Variants in DDX10 observed in about 807,000 individuals in gnomAD.
DDX10 encodes DEAD-box helicase 10.
Under a neutral mutation model 104.3 loss-of-function variants are expected in DDX10, and 74 were observed. That is an observed-to-expected ratio of 0.71 (90% CI 0.59 to 0.86). The LOEUF (loss-of-function observed/expected upper bound fraction) is 0.86. Among genes scored for constraint, DDX10 ranks in the 40% least tolerant of loss-of-function variants. The probability of loss-of-function intolerance (pLI) is 0.00; values close to 1 mark genes in which losing one functional copy is unlikely to be tolerated. For synonymous variants in DDX10, 351 were observed against 353.4 expected, an observed-to-expected ratio of 0.99 and a Z score of 0.08; for missense variants, 952 against 1,040.0, an observed-to-expected ratio of 0.92 and a Z score of 1.16.
intron 5 of DDX10, 96 bp from the exon 6 acceptor site, chr11:108,679,275 C>CT (rs1159065759): frequency 9.4e-7 from 1 of 1,063,342 alleles, no homozygotes; most frequent in African/African-American, 1.6e-5. Context: ...CGCTAATGTT[C>CT]TTTTTCTGTT....
At chr11:108,741,616 G>A (rs1316000992) in intron 13 of DDX10, among the ~76,000 whole-genome samples, 2 of 152,112 alleles carry the variant, frequency 1.3e-5, no homozygotes, top group African/African-American at 4.8e-5. Flanking sequence ...TATTGCTGGT[G>A]TATAGGAATG....
intron 16 of DDX10, among the ~76,000 whole-genome samples, chr11:108,916,407 A>AT (rs970595949): frequency 2.0e-5 from 3 of 150,462 alleles, no homozygotes; most frequent in Non-Finnish European, 4.4e-5. Flanking sequence ...CAGACCTTTT[A>AT]TTTTTTACCA....
intron 15 of DDX10, among the ~76,000 whole-genome samples, chr11:108,842,105 C>T (rs1159429711): frequency 6.6e-6 from 1 of 152,040 alleles, no homozygotes; most frequent in African/African-American, 2.4e-5. Flanking sequence ...CTTTGTAAAA[C>T]TTCTATAAAA....
At chr11:108,673,161 TG>T in intron 1 of DDX10, among the ~76,000 whole-genome samples, 1 of 152,298 alleles carries the variant, frequency 6.6e-6, no homozygotes, top group Non-Finnish European at 1.5e-5. Context: ...TTCCTAAAAT[TG>T]ATGTGGTTGG....
At chr11:108,893,582 T>G (rs143873509) in intron 16 of DDX10, among the ~76,000 whole-genome samples, 1 of 151,644 alleles carries the variant, frequency 6.6e-6, no homozygotes, top group Non-Finnish European at 1.5e-5. Context: ...ATTTTCCTTA[T>G]TTTTTTGGAG....
intron 17 of DDX10, 74 bp downstream of exon 17, chr11:108,918,092 T>A: frequency 7.0e-7 from 1 of 1,420,788 alleles, no homozygotes; most frequent in Non-Finnish European, 9.9e-7. Context: ...CCAAAAGACA[T>A]TACTAAGAGT....
chr11:108,675,249 G>A (rs1268565595), intron 2 of DDX10, among the ~76,000 whole-genome samples: 1 of 152,132 alleles, frequency 6.6e-6, no homozygotes. Context: ...TCAAAGTAGT[G>A]GTTTTATTAA....
intron 17 of DDX10, chr11:108,918,996 G>A (rs1863789270): frequency 6.6e-6 from 1 of 152,152 alleles, no homozygotes; most frequent in South Asian, 2.1e-4. Context: ...GGAGAAGTAG[G>A]CCATAGAGAG....
chr11:108,862,649 G>A (rs1862956153), intron 16 of DDX10, among the ~76,000 whole-genome samples: 1 of 152,188 alleles, frequency 6.6e-6, no homozygotes, highest in Non-Finnish European at 1.5e-5. Flanking sequence ...AAATTAAAAT[G>A]AAGAAATTGT....
intron 13 of DDX10, among the ~76,000 whole-genome samples, chr11:108,801,220 T>A (rs1862016245): frequency 6.6e-6 from 1 of 152,166 alleles, no homozygotes; most frequent in African/African-American, 2.4e-5. Context: ...AATATTAGAA[T>A]ATAACAAAAA....
chr11:108,825,678 G>C (rs1165799334), intron 13 of DDX10, among the ~76,000 whole-genome samples: 1 of 152,160 alleles, frequency 6.6e-6, no homozygotes, highest in Non-Finnish European at 1.5e-5. Flanking sequence ...ATAGTAAATA[G>C]TTGTCATTGT....
At chr11:108,673,436 G>A (rs772352258) in intron 1 of DDX10, 31 bp from the exon 2 acceptor site, 3 of 1,458,904 alleles carry the variant, frequency 2.1e-6, no homozygotes, top group Non-Finnish European at 2.9e-6. Flanking sequence ...AAACAAATGA[G>A]TTACCCTGAT....
intron 13 of DDX10, among the ~76,000 whole-genome samples, chr11:108,835,807 G>GTAC (rs2134591038): frequency 6.7e-6 from 1 of 149,264 alleles, no homozygotes; most frequent in Non-Finnish European, 1.5e-5. Context: ...CCAATCCAGG[G>GTAC]TACTTTTCCT....
chr11:108,780,619 TC>T (rs1292301916), intron 13 of DDX10, among the ~76,000 whole-genome samples: 1 of 152,228 alleles, frequency 6.6e-6, no homozygotes, highest in African/African-American at 2.4e-5. Context: ...AATATACTTG[TC>T]TTTGTGTCCC....
intron 16 of DDX10, among the ~76,000 whole-genome samples, chr11:108,875,837 G>T (rs1481581566): frequency 2.6e-5 from 4 of 152,162 alleles, no homozygotes; most frequent in African/African-American, 9.7e-5. Flanking sequence ...ACTCAGTGAG[G>T]TTGGAAAGGC....
At chr11:108,775,487 A>C (rs2094368704) in intron 13 of DDX10, among the ~76,000 whole-genome samples, 1 of 152,204 alleles carries the variant, frequency 6.6e-6, no homozygotes, top group Non-Finnish European at 1.5e-5. Flanking sequence ...ATCTGAGTCA[A>C]GTTATGGAGA....
chr11:108,812,318 A>G (rs544397678), intron 13 of DDX10, among the ~76,000 whole-genome samples: 1 of 152,328 alleles, frequency 6.6e-6, no homozygotes, highest in South Asian at 2.1e-4. Context: ...ACACAGCACC[A>G]GTGAATCTTG....
At chr11:108,727,141 T>C (rs938479734) in intron 13 of DDX10, among the ~76,000 whole-genome samples, 1 of 152,046 alleles carries the variant, frequency 6.6e-6, no homozygotes, top group African/African-American at 2.4e-5. Flanking sequence ...TTTTCTTTTT[T>C]TGCGATGACT....
chr11:108,702,198 T>G (rs1175176189), intron 9 of DDX10, among the ~76,000 whole-genome samples: 1 of 152,200 alleles, frequency 6.6e-6, no homozygotes, highest in African/African-American at 2.4e-5. Flanking sequence ...TTAAAAAACT[T>G]ATTTTTAATA....
Sources: allele counts gnomAD v4.1 joint callset (sites outside exome capture counted in the v4.1 genomes callset), GRCh38; gene constraint gnomAD v4.1.1; transcripts MANE v1.5; gene names NCBI Gene and HGNC (gene_info 2026-07-23, HGNC 2026-07-21).